CACNA1D: variants seen among roughly 807,000 people sequenced by gnomAD.
CACNA1D encodes the protein calcium voltage-gated channel subunit alpha1 D, also known as voltage-dependent L-type calcium channel subunit alpha-1D.
A neutral mutation model predicts 257.1 loss-of-function variants in CACNA1D; 55 were observed. The observed-to-expected ratio is 0.21, with a 90% CI of 0.17 to 0.27. The LOEUF is 0.27. CACNA1D is among the 10% of genes least tolerant of loss of function. CACNA1D has a pLI of 1.00. For synonymous variants in CACNA1D, 980 were observed against 1,014.9 expected (o/e 0.97, Z 0.65); for missense variants, 1,876 against 2,784.0 (o/e 0.67, Z 7.34).
intron 3 of CACNA1D, among the ~76,000 whole-genome samples, chr3:53,609,109 G>A (rs928006917): frequency 1.3e-5 from 2 of 152,096 alleles, no homozygotes; most frequent in African/African-American, 4.8e-5. Flanking sequence ...AAGATTTCAA[G>A]TTAAGAATTC....
Position 53,790,278 on chromosome 3 carries a change from T to C in CACNA1D, c.4923+3326T>C, listed in dbSNP as rs1397548243. Among the ~76,000 whole-genome samples, 4 of 152,358 alleles carry C rather than the reference T, an allele frequency of 2.6e-5. No individual in the cohort carries two copies. The East Asian group carries it at 7.7e-4, about 29-fold the overall frequency. On this transcript the variant is annotated intron_variant, in intron 40 of 47. Coordinates refer to ENST00000350061, the MANE Select transcript of CACNA1D (RefSeq NM_001128840.3). ...CCTCCTCCCAGCAGACAGCAATGCA[T>C]GCTGAATGTCCCATCAGACCTTCTA...
At chr3:53,617,856 T>C (rs1335220638) in intron 3 of CACNA1D, among the ~76,000 whole-genome samples, 1 of 152,124 alleles carries the variant, frequency 6.6e-6, no homozygotes, top group Non-Finnish European at 1.5e-5. Context: ...ATGTGTGCAG[T>C]GGAAAGAGCC....
chr3:53,729,263 C>T (rs2094964658), intron 15 of CACNA1D, among the ~76,000 whole-genome samples: 3 of 152,216 alleles, frequency 2.0e-5, no homozygotes, highest in African/African-American at 7.2e-5. Flanking sequence ...CGTTTCTCTC[C>T]TCTTTAAAAC....
chr3:53,710,323 T>G, intron 9 of CACNA1D: 1 of 441,018 alleles, frequency 2.3e-6, no homozygotes, highest in Non-Finnish European at 4.6e-6. Flanking sequence ...GCTGGCCGCG[T>G]GGGGCCCTGG....
intron 19 of CACNA1D, 93 bp from the exon 20 acceptor site, chr3:53,735,281 C>A: frequency 8.4e-7 from 1 of 1,192,554 alleles, no homozygotes; most frequent in Non-Finnish European, 1.3e-6. Context: ...TGCCCTCTGC[C>A]TGGCCTCTTG....
chr3:53,570,508 TAGA>T lies in CACNA1D; in HGVS notation c.483+68789_483+68791del, dbSNP rs748708770. Among the ~76,000 whole-genome samples, 84 of 152,360 alleles carry T rather than the reference TAGA, an allele frequency of 5.5e-4. No individual in the cohort carries two copies. The Middle Eastern group carries it at 0.014, about 25-fold the overall frequency. The stretch of plus-strand genomic sequence containing the variant: ...ATTCAACATAGGCTTACAAATATCT[TAGA>T]GGAGCTTTTCTGGCTTTGAACTGTA... On this transcript the variant is annotated intron_variant, in intron 3 of 47. Transcript: ENST00000350061.
chr3:53,505,689 T>G (rs2090814657), intron 3 of CACNA1D, among the ~76,000 whole-genome samples: 2 of 152,212 alleles, frequency 1.3e-5, no homozygotes, highest in Admixed American at 6.5e-5. Context: ...GTGTTATTCC[T>G]GAAAAGCTTA....
At chr3:53,664,457 G>A (rs1316020791) in intron 5 of CACNA1D, among the ~76,000 whole-genome samples, 5 of 152,222 alleles carry the variant, frequency 3.3e-5, no homozygotes, top group African/African-American at 1.2e-4. Flanking sequence ...TTTTGCTAGT[G>A]ATCTAAAGTT....
chr3:53,670,102 A>G (rs553811531), intron 7 of CACNA1D, among the ~76,000 whole-genome samples: 2 of 152,282 alleles, frequency 1.3e-5, no homozygotes, highest in South Asian at 4.2e-4. Context: ...GCACACTCCT[A>G]CGGAGGTGCT....
intron 20 of CACNA1D, among the ~76,000 whole-genome samples, chr3:53,738,440 C>T (rs919138717): frequency 2.6e-5 from 4 of 152,084 alleles, no homozygotes; most frequent in Non-Finnish European, 1.5e-5. Flanking sequence ...GCTCTAGATG[C>T]CCCAATAGAA....
At position 53,722,320 on chromosome 3, in the gene CACNA1D, C is replaced by T. The variant is rs760417631; in HGVS notation, c.1512C>T (p.Arg504=). The change falls in exon 12 of 48, where the codon CGC becomes CGT. Residue 504 remains arginine (R), a synonymous_variant. Transcript: ENST00000350061. Reference sequence around the variant, plus strand: ...ATGTTTGCTTGTCTTTTAGCCGACGCTGGCGTCGCTGGAACCGATTCAATC... The same window carrying T: ...ATGTTTGCTTGTCTTTTAGCCGACGTTGGCGTCGCTGGAACCGATTCAATC... The part of the protein sequence containing the change: ...QAISKSKLSR[R]WRRWNRFNRR... 42 of 1,614,090 alleles carry T rather than the reference C, an allele frequency of 2.6e-5. No individual in the cohort carries two copies. Among genetic ancestry groups the T allele is most frequent in the Non-Finnish European group, 3.4e-5 (40 of 1,180,056 alleles).
chr3:53,582,460 T>C (rs1453472081), intron 3 of CACNA1D, among the ~76,000 whole-genome samples: 1 of 150,986 alleles, frequency 6.6e-6, no homozygotes, highest in Admixed American at 6.6e-5. Context: ...TTATTGGGGG[T>C]ATAGGGAGCT....
chr3:53,567,153 G>A (rs1003046812), intron 3 of CACNA1D, among the ~76,000 whole-genome samples: 8 of 152,176 alleles, frequency 5.3e-5, no homozygotes, highest in South Asian at 2.1e-4. Context: ...AGGATCTCCC[G>A]TGGATGCATA....
At chr3:53,682,387 A>AAAC (rs1553634128) in intron 8 of CACNA1D, among the ~76,000 whole-genome samples, 23 of 146,754 alleles carry the variant, frequency 1.6e-4, no homozygotes, top group South Asian at 8.5e-4. Flanking sequence ...AAAAAAAAAA[A>AAAC]AAAAAAAAAC....
chr3:53,507,708 G>GT (rs1416277291), intron 3 of CACNA1D, among the ~76,000 whole-genome samples: 1 of 152,030 alleles, frequency 6.6e-6, no homozygotes, highest in Non-Finnish European at 1.5e-5. Flanking sequence ...CATTTGGTTT[G>GT]TTTTTTTACA....
In CACNA1D at chr3:53,744,707, G is replaced by A. The variant is rs202235162; in HGVS notation, c.2919-33G>A. The A allele has an allele frequency of 5.1e-6, 6 of 1,166,644 alleles. No individual in the cohort carries two copies. In the East Asian group the frequency reaches 9.3e-5, roughly 18 times the overall value. The allele number at this position is 1,166,644 out of a possible 1,614,324, so 72.3% of individuals were successfully genotyped here. A position where few individuals can be genotyped will look rare whatever the true frequency, so the allele number is the denominator to read the frequency against. On this transcript the variant is annotated intron_variant, in intron 22 of 47. Transcript: ENST00000350061. ...AAAGCATCCTGTCCATTTATAACAC[G>A]CTCTGCCTGCCGTCTTTCTGCTCCT... is the stretch of plus-strand genomic sequence containing the variant.
intron 21 of CACNA1D, among the ~76,000 whole-genome samples, chr3:53,741,595 T>G (rs1338117306): frequency 6.6e-6 from 1 of 152,196 alleles, no homozygotes; most frequent in African/African-American, 2.4e-5. Context: ...TGAATTTGGT[T>G]GACACTTCTC....
intron 29 of CACNA1D, among the ~76,000 whole-genome samples, chr3:53,755,433 G>A (rs34257193): frequency 1.1e-3 from 163 of 152,348 alleles, no homozygotes; most frequent in Non-Finnish European, 2.1e-3. Context: ...CCAGTAGGCT[G>A]ACAGTTGCCC....
intron 3 of CACNA1D, among the ~76,000 whole-genome samples, chr3:53,554,665 C>T (rs901989566): frequency 6.6e-6 from 1 of 152,194 alleles, no homozygotes; most frequent in Non-Finnish European, 1.5e-5. Flanking sequence ...CTTCTTTGTT[C>T]CCTCTCCCAT....
Sources: gnomAD v4.1 joint callset for allele counts (sites outside exome capture counted in the v4.1 genomes callset) on GRCh38, gnomAD v4.1.1 for gene constraint, MANE v1.5 for transcripts, NCBI Gene and HGNC (gene_info 2026-07-23, HGNC 2026-07-21) for gene names.